The following RNF17 variants were observed in gnomAD, a reference collection of about 807,000 sequenced individuals.
RNF17 encodes spermatogenesis associated 23.
RNF17 carries 31 observed loss-of-function variants against 200.5 expected under a neutral mutation model. The observed-to-expected ratio is 0.15, with a 90% confidence interval of 0.12 to 0.21. The LOEUF (loss-of-function observed/expected upper bound fraction) is 0.21. Ranked by LOEUF, RNF17 falls within the 10% of genes least tolerant of loss-of-function variation. The pLI is 1.00. For missense variants in RNF17, 1,628 were observed against 1,905.1 expected, an observed-to-expected ratio of 0.85 and a Z score of 2.71; for synonymous variants, 606 against 637.8, an observed-to-expected ratio of 0.95 and a Z score of 0.75.
intron 13 of RNF17, among the ~76,000 whole-genome samples, chr13:24,800,821 A>T (rs1434260904): frequency 6.6e-6 from 1 of 152,216 alleles, no homozygotes; most frequent in Non-Finnish European, 1.5e-5. Context: ...AAATAAGTTT[A>T]TGATGTGTGT....
chr13:24,881,941 TATATAG>T (rs1453188667), downstream of RNF17, among the ~76,000 whole-genome samples: 4 of 56,810 alleles, frequency 7.0e-5, 1 homozygote, highest in African/African-American at 8.7e-5. Context: ...TAGATACATC[TATATAG>T]ATATATAGAT....
rs1156374718 is a variant in RNF17, at chr13:24,815,473, GTA to G, written c.2092-10143_2092-10142del. On this transcript the variant is annotated intron_variant, in intron 15 of 35. Coordinates refer to ENST00000255324, the MANE Select transcript of RNF17 (RefSeq NM_031277.3). ...TGTGTGTGTGTGTGTGTGTGTGTGT[GTA>G]TAATTTGGGGGGATTTTCTTACATA... 6.2e-4 allele frequency among the ~76,000 whole-genome samples: 81 copies of G among 131,220 alleles called. 1 individual carries two copies. The highest frequency in any genetic ancestry group is 9.4e-4 in the Admixed American group (12 of 12,780). The allele number at this position is 131,220 out of a possible 152,430, so 86.1% of individuals were successfully genotyped here.
At chr13:24,887,214 A>C in the RNF17 span, among the ~76,000 whole-genome samples, 1 of 152,322 alleles carries the variant, frequency 6.6e-6, no homozygotes, top group African/African-American at 2.4e-5. Context: ...TAAAGAGCAA[A>C]AAGACAAGCC....
chr13:24,842,837 T>C (rs1435845044), intron 19 of RNF17, among the ~76,000 whole-genome samples: 8 of 151,872 alleles, frequency 5.3e-5, no homozygotes, highest in East Asian at 3.9e-4. Flanking sequence ...ATAAAAAAAT[T>C]AGCTGGGCGT....
At chr13:24,887,321 G>T in the RNF17 span, among the ~76,000 whole-genome samples, 1 of 152,184 alleles carries the variant, frequency 6.6e-6, no homozygotes. Flanking sequence ...CTGGTCTGTG[G>T]CCTGTAGGAA....
chr13:24,776,064 A>T (rs1881523610), intron 3 of RNF17, among the ~76,000 whole-genome samples: 1 of 152,188 alleles, frequency 6.6e-6, no homozygotes, highest in African/African-American at 2.4e-5. Flanking sequence ...AAAAAATAGG[A>T]TTCTTTCAAG....
At chr13:24,792,947 A>G in intron 9 of RNF17, 95 bp from the exon 10 acceptor site, 2 of 809,650 alleles carry the variant, frequency 2.5e-6, no homozygotes, top group Non-Finnish European at 3.9e-6. Flanking sequence ...CAAAAGATTC[A>G]GATTAATGTC....
chr13:24,876,847 T>TCC, intron 33 of RNF17, 150 bp from the exon 34 acceptor site: 1 of 316 alleles, frequency 3.2e-3, no homozygotes, highest in Non-Finnish European at 6.2e-3. Flanking sequence ...TTTTCTCATT[T>TCC]TATCTGATTT....
downstream of RNF17, chr13:24,884,548 A>T (rs1593527441): frequency 3.0e-6 from 4 of 1,327,138 alleles, no homozygotes; most frequent in East Asian, 9.2e-5. Context: ...CTACTTTGAA[A>T]TTTTTTGTAA....
At chr13:24,822,384 C>T (rs916870783) in intron 15 of RNF17, among the ~76,000 whole-genome samples, 3 of 152,050 alleles carry the variant, frequency 2.0e-5, no homozygotes, top group South Asian at 2.1e-4. Context: ...GGACTCCTTC[C>T]TGTATTCTCA....
At chr13:24,781,159 A>G (rs1209917756) in intron 5 of RNF17, among the ~76,000 whole-genome samples, 2 of 152,174 alleles carry the variant, frequency 1.3e-5, no homozygotes, top group African/African-American at 4.8e-5. Context: ...AAGATTGTGT[A>G]ATACTTAACA....
Position 24,850,366 on chromosome 13 carries a change from A to G in RNF17, c.3127A>G (p.Thr1043Ala), listed in dbSNP as rs1891741913. ...ACCAGCTGGTGGGAGTGACAAGTGG[A>G]CAGCAACAGCTTGTGACTGTCTTTC... Reference protein sequence around the residue: ...IRPAGGSDKWTATACDCLSLY... With the variant: ...IRPAGGSDKWAATACDCLSLY... The change falls in exon 23 of 36, where the codon ACA becomes GCA. Residue 1043 changes from threonine (T) to alanine (A), a missense_variant. Thr to Ala is a moderately conservative substitution (Grantham distance 58). Coordinates refer to ENST00000255324, the MANE Select transcript of RNF17 (RefSeq NM_031277.3). The G allele has an allele frequency of 6.2e-7, 1 of 1,613,494 alleles. No homozygotes were observed. Among genetic ancestry groups the G allele is most frequent in the Non-Finnish European group, 8.5e-7 (1 of 1,179,732 alleles).
intron 13 of RNF17, among the ~76,000 whole-genome samples, chr13:24,801,326 C>T (rs1045046471): frequency 7.9e-5 from 12 of 151,986 alleles, no homozygotes; most frequent in Admixed American, 6.6e-4. Flanking sequence ...CAATATGTTA[C>T]GTAAATGTTC....
chr13:24,781,452 TG>T lies in RNF17; in HGVS notation c.511-391del, dbSNP rs1399865536. ...TTTGAGACCAGCCGGGGCAACATAA[TG>T]AGACTTTGTTCCTCCCCACCACCAA... On this transcript the variant is annotated intron_variant, in intron 5 of 35. Coordinates refer to ENST00000255324, the MANE Select transcript of RNF17 (RefSeq NM_031277.3). 2.0e-5 allele frequency among the ~76,000 whole-genome samples: 3 copies of T among 151,436 alleles called. No individual in the cohort carries two copies. The East Asian group carries it at 5.8e-4, about 29-fold the overall frequency.
chr13:24,844,566 T>G (rs1456974205), intron 20 of RNF17, 86 bp from the exon 21 acceptor site: 2 of 1,072,686 alleles, frequency 1.9e-6, no homozygotes, highest in Admixed American at 2.4e-5. Flanking sequence ...TGGAGCGGAA[T>G]GAGCAAGCGG....
At position 24,853,999 on chromosome 13, in the gene RNF17, A is replaced by G. The variant is rs772134278; in HGVS notation, c.3465A>G (p.Lys1155=). ...KKTADIISEQ[K]VSEFQEKILE... is the part of the protein sequence containing the mutation. ...CTGCTGACATAATCAGTGAACAGAAAGTGTCTGAATTTCAGGAGAAAATTC... is the reference window on the plus strand; with the variant it reads ...CTGCTGACATAATCAGTGAACAGAAGGTGTCTGAATTTCAGGAGAAAATTC... Residue 1155 remains lysine, a synonymous_variant, in exon 25 of 36, where the codon AAA becomes AAG. Coordinates refer to ENST00000255324, the MANE Select transcript of RNF17 (RefSeq NM_031277.3). The G allele has an allele frequency of 3.1e-6, 5 of 1,614,206 alleles. No homozygotes were observed. The highest frequency in any genetic ancestry group is 2.2e-5 in the East Asian group (1 of 44,866).
At chr13:24,774,193 G>A (rs1043163505) in intron 2 of RNF17, among the ~76,000 whole-genome samples, 3 of 148,464 alleles carry the variant, frequency 2.0e-5, no homozygotes, top group Admixed American at 2.0e-4. Flanking sequence ...TTGAACATAT[G>A]TTACTATTTT....
chr13:24,873,104 A>C (rs1481709302), intron 32 of RNF17, among the ~76,000 whole-genome samples: 2 of 152,246 alleles, frequency 1.3e-5, no homozygotes, highest in African/African-American at 4.8e-5. Context: ...GTCCCATAGC[A>C]AATGAAAGGA....
intron 2 of RNF17, among the ~76,000 whole-genome samples, chr13:24,771,307 A>G (rs1033910193): frequency 4.5e-5 from 6 of 132,786 alleles, no homozygotes; most frequent in African/African-American, 1.7e-4. Context: ...GGGGAGTACC[A>G]CTGCACACAG....
Sources: gnomAD v4.1 joint callset for allele counts (sites outside exome capture counted in the v4.1 genomes callset) on GRCh38, gnomAD v4.1.1 for gene constraint, MANE v1.5 for transcripts, NCBI Gene and HGNC (gene_info 2026-07-23, HGNC 2026-07-21) for gene names.